Variants in ZFHX3 observed in about 807,000 individuals in gnomAD.
ZFHX3 encodes zinc finger homeobox 3, also known as zinc finger homeobox protein 3.
ZFHX3 carries 42 observed loss-of-function variants against 279.1 expected under a neutral mutation model. The observed-to-expected ratio is 0.15, with a 90% CI of 0.12 to 0.19. The LOEUF is 0.19. ZFHX3 is among the 10% of genes least tolerant of loss of function. The pLI, the probability that ZFHX3 is intolerant of heterozygous loss-of-function variation, is 1.00. For synonymous variants in ZFHX3, 2,293 were observed against 1,957.8 expected, an observed-to-expected ratio of 1.17 and a Z score of -4.52; for missense variants, 4,981 against 4,754.0, an observed-to-expected ratio of 1.05 and a Z score of -1.40.
chr16:73,708,747 C>T (rs963799147), intron 1 of ZFHX3, among the ~76,000 whole-genome samples: 3 of 152,020 alleles, frequency 2.0e-5, no homozygotes, highest in Non-Finnish European at 4.4e-5. Context: ...AAGTGAATAC[C>T]CCTAAACACA....
chr16:73,188,818 T>C (rs544598011), intron 5 of ZFHX3, among the ~76,000 whole-genome samples: 2 of 152,034 alleles, frequency 1.3e-5, no homozygotes, highest in South Asian at 4.2e-4. Flanking sequence ...TCTCACTTTT[T>C]CCCCTATGGC....
chr16:73,160,772 CTTTTTTTTTTT>C lies in ZFHX3; in HGVS notation c.-1103-16952_-1103-16942del, dbSNP rs200196890. ...CATGCTTATTCTTTTCTTTTCTCTTCTTTTTTTTTTTTTTTTTTTAGACAGGATTTACAAGA... is the reference window on the plus strand; with the variant it reads ...CATGCTTATTCTTTTCTTTTCTCTTCTTTTTTTTAGACAGGATTTACAAGA... On this transcript the variant is annotated intron_variant, in intron 5 of 17. Coordinates refer to the ZFHX3 transcript ENST00000641206. 4.1e-3 allele frequency among the ~76,000 whole-genome samples: 527 copies of C among 127,962 alleles called. 7 individuals carry two copies. The highest frequency in any genetic ancestry group is 0.013 in the African/African-American group (479 of 35,892). The allele number at this position is 127,962 out of a possible 152,430, so 83.9% of individuals were successfully genotyped here.
intron 5 of ZFHX3, among the ~76,000 whole-genome samples, chr16:73,186,555 G>GT (rs77914659): frequency 0.17 from 24,025 of 138,100 alleles, 1,997 homozygotes; most frequent in Middle Eastern, 0.2. Flanking sequence ...TCCAGGAAAA[G>GT]TTTTTTTTTT....
intron 1 of ZFHX3, among the ~76,000 whole-genome samples, chr16:72,966,393 C>T (rs994146913): frequency 2.6e-5 from 4 of 152,200 alleles, no homozygotes; most frequent in African/African-American, 9.7e-5. Context: ...GACTTGGAGT[C>T]ATAAGAGTTC....
intron 5 of ZFHX3, among the ~76,000 whole-genome samples, chr16:73,169,083 A>T (rs1477923883): frequency 6.6e-6 from 1 of 152,216 alleles, no homozygotes; most frequent in Non-Finnish European, 1.5e-5. Context: ...AAATTGGAGG[A>T]TATTTGTGAG....
In ZFHX3 at chr16:73,407,201, A is replaced by G. The variant is rs534191733; in HGVS notation, c.-1291+48802T>C. On this transcript the variant is annotated intron_variant, in intron 3 of 17. Coordinates refer to the ZFHX3 transcript ENST00000641206. ...CTACCTCCAGCCACCACGGAGAATG[A>G]TCCAGCCTCAAATGCCAGTCGTGCA... 1.7e-4 allele frequency among the ~76,000 whole-genome samples: 26 copies of G among 152,320 alleles called. No individual in the cohort carries two copies. In the East Asian group the frequency reaches 4.1e-3, roughly 24 times the overall value.
chr16:73,024,559 C>T (rs576947233), intron 1 of ZFHX3, among the ~76,000 whole-genome samples: 9 of 152,168 alleles, frequency 5.9e-5, no homozygotes, highest in Non-Finnish European at 8.8e-5. Flanking sequence ...CACTGGTTCT[C>T]GAGGACTGGG....
chr16:73,546,671 T>TGCTGCTGC (rs2020113754), intron 2 of ZFHX3, among the ~76,000 whole-genome samples: 2 of 143,412 alleles, frequency 1.4e-5, no homozygotes, highest in Non-Finnish European at 3.0e-5. Flanking sequence ...GGTGCTGCTG[T>TGCTGCTGC]TGCTGCTGCT....
chr16:73,780,732 G>T (rs1368022193), intron 1 of ZFHX3, among the ~76,000 whole-genome samples: 2 of 152,208 alleles, frequency 1.3e-5, no homozygotes, highest in Non-Finnish European at 2.9e-5. Flanking sequence ...ACGAGCCACT[G>T]TGCCTGGCCT....
intron 1 of ZFHX3, among the ~76,000 whole-genome samples, chr16:73,740,871 G>A (rs890671243): frequency 7.8e-4 from 119 of 152,190 alleles, no homozygotes; most frequent in African/African-American, 2.8e-3. Flanking sequence ...GAAGAAAGAA[G>A]CCTTCACTTG....
At chr16:73,076,025 G>T (rs538189585) in intron 8 of ZFHX3, among the ~76,000 whole-genome samples, 3 of 152,210 alleles carry the variant, frequency 2.0e-5, no homozygotes, top group Non-Finnish European at 4.4e-5. Context: ...CAGCTGGATG[G>T]CCCCCAACAA....
chr16:72,864,474 C>T (rs989676422), intron 4 of ZFHX3, among the ~76,000 whole-genome samples: 2 of 149,404 alleles, frequency 1.3e-5, no homozygotes, highest in African/African-American at 4.9e-5. Context: ...GGCGTTCATC[C>T]CCCTTCTTAG....
chr16:73,523,199 T>C (rs946834407), intron 2 of ZFHX3, among the ~76,000 whole-genome samples: 14 of 152,338 alleles, frequency 9.2e-5, no homozygotes, highest in African/African-American at 3.1e-4. Context: ...TTATTATAAT[T>C]TGGCAAATTT....
At position 73,514,951 on chromosome 16, in the gene ZFHX3, C is replaced by T. The variant is rs559648544; in HGVS notation, c.-1546-58693G>A. Among the ~76,000 whole-genome samples the T allele has an allele frequency of 3.6e-4, 55 of 152,288 alleles. 1 individual carries two copies. In the South Asian group the frequency reaches 0.011, roughly 31 times the overall value. On this transcript the variant is annotated intron_variant, in intron 2 of 17. Transcript: ENST00000641206. ...TATGCGGTGATAAACAACTGAGCTG[C>T]CCTTAGCCATTTTTACAATATTGAT...
intron 1 of ZFHX3, among the ~76,000 whole-genome samples, chr16:73,735,696 G>T (rs1178365176): frequency 6.6e-6 from 1 of 152,130 alleles, no homozygotes; most frequent in Non-Finnish European, 1.5e-5. Flanking sequence ...CAAGTGTGAT[G>T]TTTCTGTTAC....
At chr16:73,212,776 C>T (rs1031049778) in intron 5 of ZFHX3, among the ~76,000 whole-genome samples, 1 of 152,148 alleles carries the variant, frequency 6.6e-6, no homozygotes, top group Admixed American at 6.5e-5. Flanking sequence ...TACAAATATG[C>T]CCTCTGCAGC....
At chr16:73,471,582 C>CT (rs2018668904) in intron 2 of ZFHX3, among the ~76,000 whole-genome samples, 2 of 152,106 alleles carry the variant, frequency 1.3e-5, no homozygotes, top group African/African-American at 4.8e-5. Flanking sequence ...CCATGAATCT[C>CT]TTTCTTTCTA....
intron 1 of ZFHX3, among the ~76,000 whole-genome samples, chr16:73,690,242 C>A (rs560796730): frequency 6.6e-6 from 1 of 152,238 alleles, no homozygotes; most frequent in South Asian, 2.1e-4. Flanking sequence ...TACATCCATC[C>A]CAAGAATCCC....
At chr16:73,348,294 T>C (rs1023631693) in intron 3 of ZFHX3, among the ~76,000 whole-genome samples, 5 of 152,294 alleles carry the variant, frequency 3.3e-5, no homozygotes, top group Admixed American at 1.3e-4. Flanking sequence ...CCTAGCATTG[T>C]TGGAATCTTC....
Sources: gnomAD v4.1 joint callset for allele counts (sites outside exome capture counted in the v4.1 genomes callset) on GRCh38, gnomAD v4.1.1 for gene constraint, MANE v1.5 for transcripts, NCBI Gene and HGNC (gene_info 2026-07-23, HGNC 2026-07-21) for gene names.